Variants in SCYL2 observed in about 807,000 individuals in gnomAD.
The protein encoded by SCYL2 is SCY1 like pseudokinase 2.
In SCYL2, 36 loss-of-function variants were observed where a neutral mutation model predicts 100.4. That is an observed-to-expected ratio of 0.36 (90% CI 0.27 to 0.47). The LOEUF (loss-of-function observed/expected upper bound fraction) is 0.47. Ranked by LOEUF, SCYL2 falls within the 20% of genes least tolerant of loss-of-function variation. The probability of loss-of-function intolerance (pLI) is 1.00; values close to 1 mark genes in which losing one functional copy is unlikely to be tolerated. For missense variants in SCYL2, 902 were observed against 1,083.9 expected (o/e 0.83, Z 2.36); for synonymous variants, 330 against 359.2 (o/e 0.92, Z 0.92).
In SCYL2 at chr12:100,339,277, GA is replaced by G; in HGVS notation, c.*107del. ...GGAGGAAGTACTTCTATGGGAAAGT[GA>G]ACAGTTCTGTGACAGGAAACATCTC... is the stretch of plus-strand genomic sequence containing the variant. On this transcript the variant is annotated 3_prime_UTR_variant, in exon 18 of 18. Coordinates refer to ENST00000360820, the MANE Select transcript of SCYL2 (RefSeq NM_017988.6). 1.8e-6 allele frequency: 2 copies of G among 1,089,794 alleles called. No homozygotes were observed. The highest frequency in any genetic ancestry group is 2.6e-6 in the Non-Finnish European group (2 of 759,466). The allele number at this position is 1,089,794 out of a possible 1,614,324, so 67.5% of individuals were successfully genotyped here. A position where few individuals can be genotyped will look rare whatever the true frequency, so the allele number is the denominator to read the frequency against.
intron 4 of SCYL2, among the ~76,000 whole-genome samples, chr12:100,306,234 C>T (rs1044408594): frequency 2.0e-5 from 3 of 152,180 alleles, no homozygotes; most frequent in Non-Finnish European, 4.4e-5. Context: ...CCCTGATGAA[C>T]ACTGATGCAA....
intron 12 of SCYL2, among the ~76,000 whole-genome samples, chr12:100,328,156 T>C (rs1952160446): frequency 6.6e-6 from 1 of 152,034 alleles, no homozygotes; most frequent in Admixed American, 6.5e-5. Context: ...CATGCGCCTG[T>C]AGTCCCAGCT....
chr12:100,313,575 C>G (rs1287105639), intron 7 of SCYL2, 37 bp downstream of exon 7: 1 of 1,117,654 alleles, frequency 8.9e-7, no homozygotes, highest in African/African-American at 1.6e-5. Flanking sequence ...GATGGAGGAA[C>G]AAAAAATGAG....
intron 13 of SCYL2, among the ~76,000 whole-genome samples, chr12:100,332,308 G>A (rs926854090): frequency 6.6e-6 from 1 of 152,146 alleles, no homozygotes; most frequent in African/African-American, 2.4e-5. Flanking sequence ...CAGGTGTACA[G>A]CATAGAACAT....
intron 3 of SCYL2, among the ~76,000 whole-genome samples, chr12:100,294,450 G>T (rs2096315351): frequency 1.1e-5 from 1 of 94,754 alleles, no homozygotes; most frequent in African/African-American, 4.3e-5. Flanking sequence ...CTTCCCAGTA[G>T]GGGCGGCCGG....
intron 3 of SCYL2, among the ~76,000 whole-genome samples, chr12:100,296,333 C>T (rs1437435640): frequency 2.0e-5 from 3 of 152,150 alleles, no homozygotes; most frequent in African/African-American, 7.2e-5. Context: ...AAGAGTAATT[C>T]AGATGACAGT....
At chr12:100,296,579 A>C (rs952583777) in intron 3 of SCYL2, among the ~76,000 whole-genome samples, 1 of 152,202 alleles carries the variant, frequency 6.6e-6, no homozygotes, top group Admixed American at 6.5e-5. Context: ...ACTGGGGAAT[A>C]CAGAATAAAA....
intron 11 of SCYL2, among the ~76,000 whole-genome samples, chr12:100,326,036 T>A (rs1433440199): frequency 6.6e-6 from 1 of 152,096 alleles, no homozygotes; most frequent in East Asian, 1.9e-4. Flanking sequence ...ATATTCTATC[T>A]TAAGAAATTC....
chr12:100,305,038 C>G (rs988208186), intron 4 of SCYL2, among the ~76,000 whole-genome samples: 1 of 152,176 alleles, frequency 6.6e-6, no homozygotes, highest in Non-Finnish European at 1.5e-5. Flanking sequence ...GACTTAGACT[C>G]CCACGCAATA....
chr12:100,326,787 T>G, intron 12 of SCYL2, 33 bp downstream of exon 12: 1 of 1,584,230 alleles, frequency 6.3e-7, no homozygotes, highest in South Asian at 1.2e-5. Context: ...TTGATGCTAT[T>G]TTATCATGCA....
At position 100,323,626 on chromosome 12, in the gene SCYL2, A is replaced by G. The variant is rs1023502586; in HGVS notation, c.1497A>G (p.Thr499=). 1 of 1,577,996 alleles carries G rather than the reference A, an allele frequency of 6.3e-7. No individual in the cohort carries two copies. The highest frequency in any genetic ancestry group is 8.7e-7 in the Non-Finnish European group (1 of 1,153,934). ...IPRIKNACLQ[T]SSLAVRVNSL... is the part of the protein sequence containing the mutation. ...GAATTAAAAATGCTTGTCTACAAAC[A>G]TCTTCCCTTGCGGTAAGTAATTGCA... is the stretch of plus-strand genomic sequence containing the variant. The change falls in exon 11 of 18, where the codon ACA becomes ACG. Residue 499 remains threonine, a synonymous_variant. Coordinates refer to ENST00000360820, the MANE Select transcript of SCYL2 (RefSeq NM_017988.6).
chr12:100,301,609 T>C (rs2096327752), intron 4 of SCYL2, among the ~76,000 whole-genome samples: 2 of 152,264 alleles, frequency 1.3e-5, no homozygotes, highest in Non-Finnish European at 2.9e-5. Flanking sequence ...GTTGAAATGT[T>C]CTGTAAATAT....
chr12:100,330,062 G>A (rs1271315088), intron 13 of SCYL2, among the ~76,000 whole-genome samples: 2 of 152,188 alleles, frequency 1.3e-5, no homozygotes, highest in Admixed American at 6.6e-5. Context: ...ACAAGTCACA[G>A]GTTCAGCCCA....
At chr12:100,301,184 A>T (rs2135875570) in intron 4 of SCYL2, among the ~76,000 whole-genome samples, 1 of 152,304 alleles carries the variant, frequency 6.6e-6, no homozygotes, top group South Asian at 2.1e-4. Context: ...TTTTGTATGA[A>T]GGCATTTTAA....
At chr12:100,329,802 C>T (rs1952185624) in intron 13 of SCYL2, among the ~76,000 whole-genome samples, 1 of 152,150 alleles carries the variant, frequency 6.6e-6, no homozygotes, top group Admixed American at 6.5e-5. Flanking sequence ...ATGGAGTGAT[C>T]TACTTCTAAG....
chr12:100,275,098 A>G (rs1056496440), intron 1 of SCYL2, among the ~76,000 whole-genome samples: 2 of 152,106 alleles, frequency 1.3e-5, no homozygotes, highest in African/African-American at 4.8e-5. Context: ...CATTGTATAG[A>G]TCTTGCATAG....
At chr12:100,327,798 T>C (rs1952152750) in intron 12 of SCYL2, among the ~76,000 whole-genome samples, 1 of 151,952 alleles carries the variant, frequency 6.6e-6, no homozygotes, top group South Asian at 2.1e-4. Flanking sequence ...ACCGCCTGGT[T>C]CTTTGTTAAT....
chr12:100,313,709 G>A (rs2096345013), intron 7 of SCYL2, among the ~76,000 whole-genome samples, 171 bp downstream of exon 7: 1 of 152,162 alleles, frequency 6.6e-6, no homozygotes, highest in Non-Finnish European at 1.5e-5. Flanking sequence ...ATCCTTGAGT[G>A]TATTAAATAT....
chr12:100,314,433 T>G (rs1025725268), intron 7 of SCYL2, 56 bp from the exon 8 acceptor site: 9 of 1,302,068 alleles, frequency 6.9e-6, no homozygotes, highest in African/African-American at 3.0e-5. Flanking sequence ...GTTTCAGATA[T>G]GAGAAGTACT....
Sources: gnomAD v4.1 joint callset for allele counts (sites outside exome capture counted in the v4.1 genomes callset) on GRCh38, gnomAD v4.1.1 for gene constraint, MANE v1.5 for transcripts, NCBI Gene and HGNC (gene_info 2026-07-23, HGNC 2026-07-21) for gene names.